The following PIK3C2G variants were observed in gnomAD, a reference collection of about 807,000 sequenced individuals.
PIK3C2G encodes the protein phosphatidylinositol 3-kinase C2 domain-containing subunit gamma.
Under a neutral mutation model 181.1 loss-of-function variants are expected in PIK3C2G, and 168 were observed. The ratio of observed to expected loss-of-function variants is 0.93; its 90% CI spans 0.82 to 1.05. The LOEUF is 1.05. Among genes scored for constraint, PIK3C2G ranks in the 50% least tolerant of loss-of-function variants. The pLI, the probability that PIK3C2G is intolerant of heterozygous loss-of-function variation, is 0.00. For missense variants in PIK3C2G, 1,869 were observed against 1,732.8 expected (o/e 1.08, Z -1.40); for synonymous variants, 573 against 592.2 (o/e 0.97, Z 0.47).
intron 13 of PIK3C2G, among the ~76,000 whole-genome samples, chr12:18,372,349 G>T (rs1013653739): frequency 6.6e-6 from 1 of 151,958 alleles, no homozygotes; most frequent in Non-Finnish European, 1.5e-5. Flanking sequence ...ATATAAATAG[G>T]CAATCAATAC....
chr12:18,725,200 A>G, the PIK3C2G span, among the ~76,000 whole-genome samples: 1 of 152,178 alleles, frequency 6.6e-6, no homozygotes, highest in Non-Finnish European at 1.5e-5. Flanking sequence ...TAATTTTAGT[A>G]GAAAGAGAAT....
chr12:18,527,943 T>G (rs974516747), intron 24 of PIK3C2G, among the ~76,000 whole-genome samples: 1 of 152,048 alleles, frequency 6.6e-6, no homozygotes, highest in Non-Finnish European at 1.5e-5. Flanking sequence ...CACATTACAT[T>G]TACAAGAGAC....
chr12:18,360,198 A>C (rs141998145), intron 11 of PIK3C2G, among the ~76,000 whole-genome samples: 5 of 152,136 alleles, frequency 3.3e-5, no homozygotes, highest in African/African-American at 1.2e-4. Flanking sequence ...AGTCTTATAC[A>C]AAATATCTTA....
intron 11 of PIK3C2G, among the ~76,000 whole-genome samples, chr12:18,357,378 T>C (rs895909560): frequency 2.6e-5 from 4 of 152,164 alleles, no homozygotes; most frequent in Non-Finnish European, 5.9e-5. Context: ...TTAAAAATAT[T>C]CAAACACAGT....
At chr12:18,258,683 T>C (rs1948173336), upstream of PIK3C2G, among the ~76,000 whole-genome samples, 1 of 151,844 alleles carries the variant, frequency 6.6e-6, no homozygotes, top group Non-Finnish European at 1.5e-5. Flanking sequence ...TATATAGCAG[T>C]AGATGAATCT....
chr12:18,686,096 G>T, the PIK3C2G span, among the ~76,000 whole-genome samples: 1 of 151,940 alleles, frequency 6.6e-6, no homozygotes, highest in East Asian at 1.9e-4. Context: ...CCATCTGGAC[G>T]TTGACTTCTG....
At chr12:18,420,363 A>T (rs902667450) in intron 16 of PIK3C2G, among the ~76,000 whole-genome samples, 7 of 152,144 alleles carry the variant, frequency 4.6e-5, no homozygotes, top group Non-Finnish European at 1.0e-4. Flanking sequence ...TAAGTGCCTA[A>T]TGGGTGCTAA....
At chr12:18,470,354 C>G (rs990290948) in intron 18 of PIK3C2G, among the ~76,000 whole-genome samples, 1 of 152,024 alleles carries the variant, frequency 6.6e-6, no homozygotes, top group African/African-American at 2.4e-5. Context: ...GGTCCAGGGT[C>G]TCTAATACTT....
intron 18 of PIK3C2G, among the ~76,000 whole-genome samples, chr12:18,451,796 T>C (rs1267754116): frequency 6.6e-6 from 1 of 152,256 alleles, no homozygotes; most frequent in African/African-American, 2.4e-5. Context: ...TTGAATTTTA[T>C]CGAAGGCCTT....
At chr12:18,645,723 C>T (rs1251385833) in intron 32 of PIK3C2G, among the ~76,000 whole-genome samples, 1 of 152,030 alleles carries the variant, frequency 6.6e-6, no homozygotes, top group Non-Finnish European at 1.5e-5. Context: ...CCCTATAATG[C>T]TAAAAGGTAA....
chr12:18,476,800 A>G (rs1003011696), intron 18 of PIK3C2G, among the ~76,000 whole-genome samples: 21 of 152,080 alleles, frequency 1.4e-4, no homozygotes, highest in African/African-American at 4.8e-4. Context: ...GAAATCAGAC[A>G]TGTTAAGGTT....
chr12:18,673,905 T>C, the PIK3C2G span, among the ~76,000 whole-genome samples: 1,817 of 152,270 alleles, frequency 0.012, 29 homozygotes, highest in African/African-American at 0.041. Context: ...TGCTTCATCA[T>C]AGTGTGCAAG....
downstream of PIK3C2G, among the ~76,000 whole-genome samples, chr12:18,653,164 C>T (rs1950592631): frequency 6.6e-6 from 1 of 152,000 alleles, no homozygotes; most frequent in Non-Finnish European, 1.5e-5. Context: ...AAAGTGGTTG[C>T]AGTAGCAGAG....
the PIK3C2G span, among the ~76,000 whole-genome samples, chr12:18,699,490 C>T: frequency 6.6e-6 from 1 of 152,170 alleles, no homozygotes; most frequent in Non-Finnish European, 1.5e-5. Context: ...CTGCCTCCCT[C>T]TGCAGCCCTG....
At chr12:18,517,679 CAG>C (rs1292366275) in intron 24 of PIK3C2G, among the ~76,000 whole-genome samples, 1 of 152,126 alleles carries the variant, frequency 6.6e-6, no homozygotes, top group Non-Finnish European at 1.5e-5. Context: ...TGCCTGCAAA[CAG>C]AGACAATTTG....
chr12:18,288,830 T>C (rs1799620839), intron 3 of PIK3C2G, among the ~76,000 whole-genome samples: 1 of 152,232 alleles, frequency 6.6e-6, no homozygotes, highest in African/African-American at 2.4e-5. Context: ...TATTCTTGGA[T>C]GAAATATTTT....
At chr12:18,449,062 A>C (rs747564544) in intron 18 of PIK3C2G, among the ~76,000 whole-genome samples, 2 of 151,958 alleles carry the variant, frequency 1.3e-5, no homozygotes, top group Non-Finnish European at 2.9e-5. Flanking sequence ...AGAAACTTCC[A>C]TACTGTTTTC....
upstream of PIK3C2G, among the ~76,000 whole-genome samples, chr12:18,259,861 G>A (rs960339736): frequency 6.6e-6 from 1 of 152,026 alleles, no homozygotes. Context: ...AAGACAGAAG[G>A]CTTTGTGTGT....
chr12:18,273,117 C>A (rs1033465108), intron 1 of PIK3C2G, among the ~76,000 whole-genome samples: 5 of 152,072 alleles, frequency 3.3e-5, no homozygotes. Context: ...TCCAGCATTA[C>A]ACACAAAATA....
Sources: allele counts gnomAD v4.1 joint callset (sites outside exome capture counted in the v4.1 genomes callset), GRCh38; gene constraint gnomAD v4.1.1; transcripts MANE v1.5; gene names NCBI Gene and HGNC (gene_info 2026-07-23, HGNC 2026-07-21).